The following OSBPL10 variants were observed in gnomAD, a reference collection of about 807,000 sequenced individuals.
The protein encoded by OSBPL10 is oxysterol-binding protein-related protein 10.
A neutral mutation model predicts 81.7 loss-of-function variants in OSBPL10; 49 were observed. The ratio of observed to expected loss-of-function variants is 0.60; its 90% CI spans 0.48 to 0.76. The LOEUF (loss-of-function observed/expected upper bound fraction) is 0.76. OSBPL10 is among the 30% of genes least tolerant of loss of function. OSBPL10 has a pLI of 0.00. For missense variants in OSBPL10, 923 were observed against 987.8 expected, an observed-to-expected ratio of 0.93 and a Z score of 0.88; for synonymous variants, 419 against 383.6, an observed-to-expected ratio of 1.09 and a Z score of -1.08.
chr3:31,697,399 G>A (rs1575482638), intron 7 of OSBPL10, among the ~76,000 whole-genome samples: 2 of 152,040 alleles, frequency 1.3e-5, no homozygotes, highest in African/African-American at 4.8e-5. Context: ...ATTGGGGGGG[G>A]GTTAGTTACC....
At chr3:31,905,368 T>TTA (rs869077578) in intron 1 of OSBPL10, among the ~76,000 whole-genome samples, 3 of 148,190 alleles carry the variant, frequency 2.0e-5, no homozygotes, top group African/African-American at 7.6e-5. Flanking sequence ...TTTTTTTTTT[T>TTA]AGACGGACTC....
At chr3:31,841,194 A>G (rs1575577764) in intron 3 of OSBPL10, among the ~76,000 whole-genome samples, 1 of 152,368 alleles carries the variant, frequency 6.6e-6, no homozygotes, top group East Asian at 1.9e-4. Context: ...GGCATGAGCC[A>G]CCGCACCTGG....
chr3:31,900,279 G>A (rs1246252534), intron 1 of OSBPL10, among the ~76,000 whole-genome samples: 1 of 152,024 alleles, frequency 6.6e-6, no homozygotes, highest in Non-Finnish European at 1.5e-5. Context: ...CTCAGCTCAA[G>A]AGATCCACTC....
chr3:31,788,454 G>C (rs951967841), intron 4 of OSBPL10, among the ~76,000 whole-genome samples: 4 of 152,052 alleles, frequency 2.6e-5, no homozygotes, highest in South Asian at 2.1e-4. Flanking sequence ...TATAATTCTT[G>C]ATCTTGTTTT....
At chr3:31,716,058 A>G (rs1256201746) in intron 6 of OSBPL10, among the ~76,000 whole-genome samples, 1 of 152,168 alleles carries the variant, frequency 6.6e-6, no homozygotes, top group East Asian at 1.9e-4. Context: ...GCTCTAAATT[A>G]GGTCTACTGT....
intron 1 of OSBPL10, among the ~76,000 whole-genome samples, chr3:31,938,655 C>T (rs1201727135): frequency 6.6e-6 from 1 of 152,120 alleles, no homozygotes. Context: ...ACTACAGGCA[C>T]ACGCCAACTC....
At chr3:31,988,916 C>A in intron 2 of OSBPL10, 1 of 910,360 alleles carries the variant, frequency 1.1e-6, no homozygotes, top group Non-Finnish European at 1.6e-6. Flanking sequence ...GCTGAAGTGC[C>A]TCCAAACCCC....
At chr3:31,993,599 C>T (rs1699057972) in intron 2 of OSBPL10, among the ~76,000 whole-genome samples, 1 of 152,006 alleles carries the variant, frequency 6.6e-6, no homozygotes, top group African/African-American at 2.4e-5. Context: ...AAGAGATGTT[C>T]AACATTACTA....
rs1700714412 is a variant in OSBPL10, at chr3:31,683,709, G to A, written c.1651C>T (p.Leu551=). 9 of 1,614,208 alleles carry A rather than the reference G, an allele frequency of 5.6e-6. No homozygotes were observed. Among genetic ancestry groups the A allele is most frequent in the Non-Finnish European group, 7.6e-6 (9 of 1,180,048 alleles). ...GTCCATACATGAGTGTTGACGCACA[G>A]TCTCTTCTCCTCGCACTCACAGTAG... ...CFYCECEEKR[L]CVNTHVWTKS... is the part of the protein sequence containing the mutation. The change falls in exon 8 of 12, where the codon CTG becomes TTG. Residue 551 remains leucine (L), a synonymous_variant. Coordinates refer to ENST00000396556, the MANE Select transcript of OSBPL10 (RefSeq NM_017784.5).
At chr3:31,732,509 G>C (rs912733070) in intron 6 of OSBPL10, 1 of 152,198 alleles carries the variant, frequency 6.6e-6, no homozygotes, top group Admixed American at 6.5e-5. Flanking sequence ...GCCTCCGCCA[G>C]TTCAAGAGAC....
chr3:31,802,495 G>C (rs1246084290), intron 4 of OSBPL10, among the ~76,000 whole-genome samples: 2 of 150,044 alleles, frequency 1.3e-5, no homozygotes, highest in African/African-American at 4.9e-5. Flanking sequence ...GAACCCAGGA[G>C]GTGGAGGTTG....
chr3:31,777,096 T>C (rs1698567911), intron 4 of OSBPL10, among the ~76,000 whole-genome samples: 2 of 152,090 alleles, frequency 1.3e-5, no homozygotes, highest in South Asian at 4.1e-4. Context: ...ATCAATGGAG[T>C]TTGCAACTAG....
rs571478258 is a variant in OSBPL10 at position 31,853,746 on chromosome 3, C to G, written c.537+22687G>C. Among the ~76,000 whole-genome samples, 14 of 152,326 alleles carry G rather than the reference C, an allele frequency of 9.2e-5. No individual in the cohort carries two copies. In the East Asian group the frequency reaches 2.7e-3, roughly 29 times the overall value. On this transcript the variant is annotated intron_variant, in intron 3 of 11. Transcript: ENST00000396556. ...ACATTTCAGGAAGCACCTGCACGTT[C>G]TGTTCTAACTTGAGACAGAGCCTCT... is the stretch of plus-strand genomic sequence containing the variant.
chr3:31,966,092 T>C (rs1698392860), intron 1 of OSBPL10, among the ~76,000 whole-genome samples: 1 of 146,734 alleles, frequency 6.8e-6, no homozygotes, highest in Admixed American at 7.1e-5. Context: ...GTCAGGAGTT[T>C]GAGACCAGCC....
At chr3:31,812,718 AAAAGAAAGAAAGAAAGAAAG>A (rs140026828) in intron 4 of OSBPL10, among the ~76,000 whole-genome samples, 517 of 41,618 alleles carry the variant, frequency 0.012, 1 homozygote, top group Admixed American at 0.019. Flanking sequence ...TAGGCAAAAA[AAAAGAAAGAAAGAAAGAAAG>A]AAAGAAAGAA....
chr3:31,916,115 A>AG (rs978948164), intron 1 of OSBPL10, among the ~76,000 whole-genome samples: 7 of 147,208 alleles, frequency 4.8e-5, no homozygotes, highest in African/African-American at 1.0e-4. Context: ...AAAAAAAAAA[A>AG]GAATCCAGCA....
intron 4 of OSBPL10, among the ~76,000 whole-genome samples, chr3:31,756,554 C>T (rs149979652): frequency 8.5e-5 from 13 of 152,316 alleles, no homozygotes; most frequent in African/African-American, 2.9e-4. Flanking sequence ...TCTACACACA[C>T]AGAGGTATAT....
intron 3 of OSBPL10, among the ~76,000 whole-genome samples, chr3:31,837,525 T>G (rs989297360): frequency 4.6e-5 from 7 of 151,394 alleles, no homozygotes; most frequent in African/African-American, 1.7e-4. Flanking sequence ...TATTTAAGTT[T>G]TAACAAATTA....
chr3:31,799,819 C>T (rs1440067330), intron 4 of OSBPL10, among the ~76,000 whole-genome samples: 1 of 152,160 alleles, frequency 6.6e-6, no homozygotes, highest in African/African-American at 2.4e-5. Flanking sequence ...TTTTCCAATT[C>T]TTCTGCCTCA....
Sources: gnomAD v4.1 joint callset for allele counts (sites outside exome capture counted in the v4.1 genomes callset) on GRCh38, gnomAD v4.1.1 for gene constraint, MANE v1.5 for transcripts, NCBI Gene and HGNC (gene_info 2026-07-23, HGNC 2026-07-21) for gene names.